Variants in MBTD1 observed in about 807,000 individuals in gnomAD.
MBTD1 encodes MBT domain-containing protein 1.
A neutral mutation model predicts 87.8 loss-of-function variants in MBTD1; 24 were observed. That is an observed-to-expected ratio of 0.27 (90% CI 0.20 to 0.38). The LOEUF (loss-of-function observed/expected upper bound fraction) is 0.38, where lower values mean the gene tolerates loss of function less well. Among genes scored for constraint, MBTD1 ranks in the 10% least tolerant of loss-of-function variants. The pLI, the probability that MBTD1 is intolerant of heterozygous loss-of-function variation, is 1.00. For missense variants in MBTD1, 436 were observed against 760.2 expected, an observed-to-expected ratio of 0.57 and a Z score of 5.02; for synonymous variants, 237 against 248.6, an observed-to-expected ratio of 0.95 and a Z score of 0.44.
At chr17:51,217,186 T>C (rs1598358790) in intron 6 of MBTD1, 148 bp downstream of exon 6, 1 of 506,318 alleles carries the variant, frequency 2.0e-6, no homozygotes. Flanking sequence ...TTGTTAACTA[T>C]TATTAAGTAT....
chr17:51,260,482 C>A (rs2055410233), upstream of MBTD1: 3 of 1,305,028 alleles, frequency 2.3e-6, no homozygotes, highest in Non-Finnish European at 2.1e-6. Flanking sequence ...TGCGCAGGCT[C>A]CTTCCGGCCC....
chr17:51,221,800 T>C (rs2052910119), intron 3 of MBTD1, among the ~76,000 whole-genome samples: 1 of 152,244 alleles, frequency 6.6e-6, no homozygotes, highest in Admixed American at 6.5e-5. Flanking sequence ...GCGTAAGTTA[T>C]ATGTAAATAC....
At chr17:51,253,558 G>C (rs925092232) in intron 2 of MBTD1, among the ~76,000 whole-genome samples, 2 of 152,088 alleles carry the variant, frequency 1.3e-5, no homozygotes, top group Admixed American at 6.5e-5. Context: ...CATATACACA[G>C]ATCAATATAT....
intron 2 of MBTD1, among the ~76,000 whole-genome samples, chr17:51,248,638 G>A (rs1274665008): frequency 6.6e-6 from 1 of 152,106 alleles, no homozygotes; most frequent in East Asian, 1.9e-4. Context: ...ATATTTTTGT[G>A]TCTAATTTCT....
rs1433622313 is a variant in MBTD1, at chr17:51,195,015, C to G, written c.1372+199G>C. ...ACAGATGCTCAGGAAAAATTCTATA[C>G]TACTGTAATTTATTAAAGTACGCTA... On this transcript the variant is annotated intron_variant, in intron 13 of 16. Transcript: ENST00000586178. Among the ~76,000 whole-genome samples, 4 of 152,138 alleles carry G rather than the reference C, an allele frequency of 2.6e-5. 1 individual carries two copies. The highest frequency in any genetic ancestry group is 2.6e-4 in the Admixed American group (4 of 15,270).
intron 2 of MBTD1, among the ~76,000 whole-genome samples, chr17:51,231,576 G>C (rs779405361): frequency 4.9e-4 from 74 of 152,204 alleles, no homozygotes; most frequent in Admixed American, 2.0e-3. Flanking sequence ...CTTTTCTAGA[G>C]TACCTTTTAG....
At chr17:51,207,040 T>A in intron 6 of MBTD1, 35 bp from the exon 7 acceptor site, 1 of 1,191,956 alleles carries the variant, frequency 8.4e-7, no homozygotes, top group Non-Finnish European at 1.3e-6. Context: ...ATTGTCTTAT[T>A]AACATAAAGC....
At chr17:51,226,061 G>A (rs2143727470) in intron 2 of MBTD1, among the ~76,000 whole-genome samples, 1 of 150,254 alleles carries the variant, frequency 6.7e-6, no homozygotes, top group South Asian at 2.1e-4. Context: ...TTACAGGTGT[G>A]AGGCACCACA....
intron 6 of MBTD1, among the ~76,000 whole-genome samples, chr17:51,209,866 T>C (rs2052069660): frequency 6.6e-6 from 1 of 152,182 alleles, no homozygotes; most frequent in Non-Finnish European, 1.5e-5. Context: ...CAGAGGATGA[T>C]GAAATATTAT....
rs2050195616 is a variant in MBTD1 at position 51,179,461 on chromosome 17, C to A, written c.*1115G>T. ...CAAATCGGTTATTATTAAAATAAAT[C>A]CTGAATACAATTAAAGACAATTTTA... On this transcript the variant is annotated 3_prime_UTR_variant, in exon 17 of 17. Transcript: ENST00000586178. 2.3e-5 allele frequency: 2 copies of A among 86,582 alleles called. No homozygotes were observed. Among genetic ancestry groups the A allele is most frequent in the Admixed American group, 1.6e-4 (1 of 6,404 alleles). 5.4% of individuals were successfully genotyped at this position (86,582 alleles called of 1,614,324 possible).
chr17:51,259,968 C>A lies in MBTD1; in HGVS notation c.-246G>T. ...TGCGGCGACTACAGGGGGCCCCCGG[C>A]TGGGCCCAGACCGGTGGCGGGTGCA... is the stretch of plus-strand genomic sequence containing the variant. On this transcript the variant is annotated 5_prime_UTR_variant, in exon 1 of 17. Coordinates refer to ENST00000586178, the MANE Select transcript of MBTD1 (RefSeq NM_017643.3). The A allele has an allele frequency of 8.1e-6, 8 of 983,336 alleles. No individual in the cohort carries two copies. The highest frequency in any genetic ancestry group is 1.1e-5 in the Non-Finnish European group (8 of 761,036). The allele number at this position is 983,336 out of a possible 1,614,324, so 60.9% of individuals were successfully genotyped here.
rs1479979538 is a variant in MBTD1, at chr17:51,179,502, A to ATATTTT, written c.*1073_*1074insAAAATA. 1.5e-5 allele frequency: 1 copy of ATATTTT among 68,108 alleles called. No individual in the cohort carries two copies. The highest frequency in any genetic ancestry group is 3.2e-5 in the Non-Finnish European group (1 of 31,412). 4.2% of individuals were successfully genotyped at this position (68,108 alleles called of 1,614,324 possible). On this transcript the variant is annotated 3_prime_UTR_variant, in exon 17 of 17. Transcript: ENST00000586178. ...GACAATTTTATATATATATATATAT[A>ATATTTT]TATATATATATATATATATATATAT...
intron 6 of MBTD1, among the ~76,000 whole-genome samples, chr17:51,215,267 A>T (rs2052499142): frequency 1.3e-5 from 2 of 152,216 alleles, no homozygotes; most frequent in South Asian, 4.1e-4. Context: ...TTTCAATCTC[A>T]AAAAAGGCAG....
rs963353791 is a variant in MBTD1 at position 51,180,030 on chromosome 17, CCAA to C, written c.*543_*545del. ...ATTTAAAATGGGCTGCAATAAAATG[CCAA>C]CAAGAGAAATAATGACCCTTCCATG... On this transcript the variant is annotated 3_prime_UTR_variant, in exon 17 of 17. Coordinates refer to ENST00000586178, the MANE Select transcript of MBTD1 (RefSeq NM_017643.3). 1.3e-5 allele frequency: 2 copies of C among 152,006 alleles called. No homozygotes were observed. Among genetic ancestry groups the C allele is most frequent in the African/African-American group, 4.8e-5 (2 of 41,364 alleles). 9.4% of individuals were successfully genotyped at this position (152,006 alleles called of 1,614,324 possible).
At chr17:51,198,535 T>C (rs149570669) in intron 12 of MBTD1, among the ~76,000 whole-genome samples, 115 of 152,332 alleles carry the variant, frequency 7.5e-4, no homozygotes, top group Non-Finnish European at 1.5e-3. Context: ...CTTTCTTCAT[T>C]CTTCTAAATA....
At chr17:51,259,617 G>A (rs1252018283) in intron 1 of MBTD1, among the ~76,000 whole-genome samples, 1 of 148,820 alleles carries the variant, frequency 6.7e-6, no homozygotes, top group Non-Finnish European at 1.5e-5. Flanking sequence ...GAGATGGAGA[G>A]AACCCCAACG....
At chr17:51,193,059 A>T (rs774102413) in intron 14 of MBTD1, 43 bp from the exon 15 acceptor site, 6 of 1,351,896 alleles carry the variant, frequency 4.4e-6, no homozygotes, top group Non-Finnish European at 5.3e-6. Flanking sequence ...TGAAGAAGAA[A>T]GAATGCACAA....
chr17:51,204,007 C>A, intron 7 of MBTD1, 82 bp from the exon 8 acceptor site: 3 of 1,109,720 alleles, frequency 2.7e-6, no homozygotes, highest in Non-Finnish European at 3.9e-6. Flanking sequence ...AGTTGTCAAA[C>A]TAGTGTCTAT....
At chr17:51,209,504 G>C (rs567929982) in intron 6 of MBTD1, 30 of 470,824 alleles carry the variant, frequency 6.4e-5, no homozygotes, top group South Asian at 4.6e-4. Flanking sequence ...CAACACAAAT[G>C]TATGACAACC....
Sources: gnomAD v4.1 joint callset for allele counts (sites outside exome capture counted in the v4.1 genomes callset) on GRCh38, gnomAD v4.1.1 for gene constraint, MANE v1.5 for transcripts, NCBI Gene and HGNC (gene_info 2026-07-23, HGNC 2026-07-21) for gene names.